Variants in PACRG observed in about 807,000 individuals in gnomAD.
PACRG encodes parkin coregulated gene protein.
In PACRG, 29 loss-of-function variants were observed where a neutral mutation model predicts 29.7. The observed-to-expected ratio is 0.98, with a 90% confidence interval of 0.73 to 1.33. The LOEUF is 1.33. Ranked by LOEUF, PACRG falls within the 40% of genes most tolerant of loss-of-function variation. The pLI, the probability that PACRG is intolerant of heterozygous loss-of-function variation, is 0.00. For missense variants in PACRG, 279 were observed against 316.2 expected, an observed-to-expected ratio of 0.88 and a Z score of 0.89; for synonymous variants, 116 against 118.7, an observed-to-expected ratio of 0.98 and a Z score of 0.15.
At chr6:162,727,193 T>G, upstream of PACRG, 1 of 157,538 alleles carries the variant, frequency 6.3e-6, no homozygotes, top group Non-Finnish European at 1.4e-5. Context: ...TCCATTAGAG[T>G]TTAATGCTTT....
chr6:163,115,521 G>A (rs1372248448), intron 4 of PACRG, among the ~76,000 whole-genome samples: 1 of 152,136 alleles, frequency 6.6e-6, no homozygotes, highest in Non-Finnish European at 1.5e-5. Flanking sequence ...TTAGTCTATA[G>A]TTCCCCCACG....
rs766468985 is a variant in PACRG at position 162,814,233 on chromosome 6, C to T, written c.243C>T (p.Phe81=). 6.2e-7 allele frequency: 1 copy of T among 1,613,930 alleles called. No individual in the cohort carries two copies. Among genetic ancestry groups the T allele is most frequent in the Non-Finnish European group, 8.5e-7 (1 of 1,179,920 alleles). ...AFRKFYERGD[F]PIALEHDSKG... ...GAAAATTCTATGAGCGAGGTGACTT[C>T]CCAATTGCCCTTGAGCATGATTCGA... Residue 81 remains phenylalanine (F), a synonymous_variant, in exon 2 of 5, where the codon TTC becomes TTT. Coordinates refer to ENST00000366888, the MANE Select transcript of PACRG (RefSeq NM_001080379.2).
chr6:163,017,535 T>G (rs1806220638), intron 2 of PACRG, among the ~76,000 whole-genome samples: 1 of 152,184 alleles, frequency 6.6e-6, no homozygotes, highest in Non-Finnish European at 1.5e-5. Context: ...CTATTAATAA[T>G]TCCACACTTG....
intron 4 of PACRG, among the ~76,000 whole-genome samples, chr6:163,260,709 C>T (rs913608691): frequency 6.6e-6 from 1 of 152,164 alleles, no homozygotes; most frequent in Admixed American, 6.5e-5. Flanking sequence ...GTTATTTAAA[C>T]GCTCACTGTT....
chr6:162,947,469 T>G (rs1799192974), intron 2 of PACRG, among the ~76,000 whole-genome samples: 1 of 23,794 alleles, frequency 4.2e-5, no homozygotes, highest in Admixed American at 5.2e-4. Flanking sequence ...TAATCATATA[T>G]AATATATATA....
chr6:163,141,135 G>C (rs1037653720), intron 4 of PACRG, among the ~76,000 whole-genome samples: 1 of 152,114 alleles, frequency 6.6e-6, no homozygotes, highest in African/African-American at 2.4e-5. Context: ...ATTATCAGCA[G>C]CCCGAGACAC....
At chr6:163,024,393 A>G (rs971067098) in intron 2 of PACRG, among the ~76,000 whole-genome samples, 13 of 152,124 alleles carry the variant, frequency 8.5e-5, no homozygotes, top group Admixed American at 6.5e-4. Flanking sequence ...TAGGGTATGC[A>G]GCTTTATTTA....
At chr6:162,827,873 C>A (rs560498074) in intron 2 of PACRG, among the ~76,000 whole-genome samples, 14 of 151,984 alleles carry the variant, frequency 9.2e-5, no homozygotes, top group Non-Finnish European at 1.5e-4. Context: ...CTGACTTTCC[C>A]AGGCCAGATT....
chr6:163,015,506 T>C (rs191085956), intron 2 of PACRG, among the ~76,000 whole-genome samples: 9 of 152,290 alleles, frequency 5.9e-5, no homozygotes, highest in Admixed American at 5.9e-4. Flanking sequence ...TTTTCATTCA[T>C]TTGTGTCATC....
intron 4 of PACRG, among the ~76,000 whole-genome samples, chr6:163,156,029 G>A (rs115351558): frequency 5.3e-4 from 81 of 152,338 alleles, no homozygotes; most frequent in African/African-American, 1.8e-3. Context: ...ACAGGCCGAG[G>A]GGCCCTTCGC....
chr6:162,875,236 CACAG>C (rs1308732231), intron 2 of PACRG, among the ~76,000 whole-genome samples: 20 of 151,856 alleles, frequency 1.3e-4, no homozygotes, highest in East Asian at 3.9e-4. Flanking sequence ...CACAGACATG[CACAG>C]ACATTCACAC....
At chr6:163,109,823 C>T (rs1036130170) in intron 4 of PACRG, among the ~76,000 whole-genome samples, 1 of 152,138 alleles carries the variant, frequency 6.6e-6, no homozygotes, top group Non-Finnish European at 1.5e-5. Flanking sequence ...TTCTGTGGTA[C>T]TATAGAGCCT....
chr6:163,167,351 C>T (rs1054077019), intron 4 of PACRG, among the ~76,000 whole-genome samples: 2 of 152,092 alleles, frequency 1.3e-5, no homozygotes, highest in African/African-American at 4.8e-5. Flanking sequence ...TTGATCGCCT[C>T]CAGAAAGCAT....
At chr6:163,122,288 C>CACACACACACAA (rs1475012074) in intron 4 of PACRG, among the ~76,000 whole-genome samples, 1 of 151,298 alleles carries the variant, frequency 6.6e-6, no homozygotes, top group Admixed American at 6.6e-5. Flanking sequence ...AACGCATTTA[C>CACACACACACAA]ACACACACAC....
intron 2 of PACRG, among the ~76,000 whole-genome samples, chr6:162,887,307 G>A (rs1794417774): frequency 6.6e-6 from 1 of 152,170 alleles, no homozygotes; most frequent in South Asian, 2.1e-4. Context: ...CTTTAGCAAT[G>A]ACCAGGCTGA....
chr6:162,881,861 C>T (rs1486568633), intron 2 of PACRG, among the ~76,000 whole-genome samples: 1 of 146,754 alleles, frequency 6.8e-6, no homozygotes, highest in Non-Finnish European at 1.5e-5. Flanking sequence ...CCACCAAGAC[C>T]AGAGACCAGG....
At chr6:162,943,251 G>A (rs1457740748) in intron 2 of PACRG, among the ~76,000 whole-genome samples, 1 of 152,112 alleles carries the variant, frequency 6.6e-6, no homozygotes, top group Non-Finnish European at 1.5e-5. Context: ...ATCCTGTTCT[G>A]GGGACCCATG....
intron 1 of PACRG, among the ~76,000 whole-genome samples, chr6:162,810,546 A>G (rs1173510991): frequency 1.3e-5 from 2 of 152,216 alleles, no homozygotes; most frequent in Non-Finnish European, 2.9e-5. Flanking sequence ...TATGAATATT[A>G]TGACACCCTT....
At chr6:163,206,798 C>A (rs539073819) in intron 4 of PACRG, among the ~76,000 whole-genome samples, 1 of 75,456 alleles carries the variant, frequency 1.3e-5, no homozygotes, top group South Asian at 3.5e-4. Context: ...CCCAGAGAAG[C>A]TTTGTCACAA....
Sources: allele counts gnomAD v4.1 joint callset (sites outside exome capture counted in the v4.1 genomes callset), GRCh38; gene constraint gnomAD v4.1.1; transcripts MANE v1.5; gene names NCBI Gene and HGNC (gene_info 2026-07-23, HGNC 2026-07-21).